Variants in ANKRD13C observed in about 807,000 individuals in gnomAD.
ANKRD13C encodes ankyrin repeat domain 13C.
A neutral mutation model predicts 65.5 loss-of-function variants in ANKRD13C; 16 were observed. That is an observed-to-expected ratio of 0.24 (90% CI 0.17 to 0.37). ANKRD13C has a LOEUF of 0.37. ANKRD13C is among the 10% of genes least tolerant of loss of function. The pLI, the probability that ANKRD13C is intolerant of heterozygous loss-of-function variation, is 1.00. For missense variants in ANKRD13C, 503 were observed against 655.9 expected, an observed-to-expected ratio of 0.77 and a Z score of 2.55; for synonymous variants, 235 against 238.7, an observed-to-expected ratio of 0.98 and a Z score of 0.14.
intron 4 of ANKRD13C, among the ~76,000 whole-genome samples, chr1:70,314,660 A>G (rs1025859840): frequency 6.6e-6 from 1 of 152,190 alleles, no homozygotes; most frequent in African/African-American, 2.4e-5. Context: ...TCAAAAAGTG[A>G]TAAAAGTGAA....
At chr1:70,331,533 A>C (rs1456057879) in intron 2 of ANKRD13C, among the ~76,000 whole-genome samples, 2 of 152,026 alleles carry the variant, frequency 1.3e-5, no homozygotes, top group Non-Finnish European at 2.9e-5. Context: ...ACAATGACAT[A>C]ATATAAAAGC....
chr1:70,322,224 C>T (rs2101521345), intron 3 of ANKRD13C, among the ~76,000 whole-genome samples: 1 of 152,152 alleles, frequency 6.6e-6, no homozygotes, highest in African/African-American at 2.4e-5. Context: ...ACCGCTTGAA[C>T]TCGGTCTCAA....
chr1:70,339,675 CTCTTT>C (rs1273594389), intron 1 of ANKRD13C, among the ~76,000 whole-genome samples: 2 of 151,836 alleles, frequency 1.3e-5, no homozygotes, highest in African/African-American at 2.4e-5. Context: ...CATTGTTTAT[CTCTTT>C]TCATTTATTG....
At chr1:70,334,236 G>GGAT (rs1170741523) in intron 2 of ANKRD13C, among the ~76,000 whole-genome samples, 1 of 152,026 alleles carries the variant, frequency 6.6e-6, no homozygotes, top group Non-Finnish European at 1.5e-5. Flanking sequence ...GGAGACAAGA[G>GGAT]GATCACTTGA....
At chr1:70,315,599 A>C in intron 3 of ANKRD13C, 33 bp from the exon 4 acceptor site, 1 of 1,542,548 alleles carries the variant, frequency 6.5e-7, no homozygotes, top group South Asian at 1.2e-5. Context: ...AACTAATTTA[A>C]ATTTTCATCA....
chr1:70,326,231 CAAAAAAAAAAAAAAAA>C (rs59618915), intron 2 of ANKRD13C, among the ~76,000 whole-genome samples: 43 of 31,104 alleles, frequency 1.4e-3, no homozygotes, highest in African/African-American at 2.1e-3. Context: ...AACTCTGTCT[CAAAAAAAAAAAAAAAA>C]AAAAAAAAAA....
In ANKRD13C at chr1:70,262,458, C is replaced by A; in HGVS notation, c.*259G>T. On this transcript the variant is annotated 3_prime_UTR_variant, in exon 13 of 13. Transcript: ENST00000370944. ...ACAGCACTCATAGCTGCTTCACATA[C>A]GCAGGTCTTAGGGTCATTAATGTGT... is the stretch of plus-strand genomic sequence containing the variant. 1 of 208,260 alleles carries A rather than the reference C, an allele frequency of 4.8e-6. No homozygotes were observed. Among genetic ancestry groups the A allele is most frequent in the Admixed American group, 5.4e-5 (1 of 18,582 alleles). 12.9% of individuals were successfully genotyped at this position (208,260 alleles called of 1,614,324 possible). A position where few individuals can be genotyped will look rare whatever the true frequency, so the allele number is the denominator to read the frequency against.
At chr1:70,331,820 C>CAAAAAA (rs10526340) in intron 2 of ANKRD13C, among the ~76,000 whole-genome samples, 40 of 69,894 alleles carry the variant, frequency 5.7e-4, no homozygotes, top group Middle Eastern at 0.012. Context: ...AGACTCGACT[C>CAAAAAA]AAAAAAAAAA....
chr1:70,259,816 T>A lies in ANKRD13C; in HGVS notation c.*2901A>T, dbSNP rs760830356. On this transcript the variant is annotated 3_prime_UTR_variant, in exon 13 of 13. Transcript: ENST00000370944. ...GAAGGAAGCACCTTTAATTCAGCAG[T>A]TAAACACAGGTTTGGACTGCACAGG... 1.6e-4 allele frequency among the ~76,000 whole-genome samples: 24 copies of A among 152,286 alleles called. No homozygotes were observed. Among genetic ancestry groups the A allele is most frequent in the Non-Finnish European group, 3.1e-4 (21 of 68,008 alleles).
intron 5 of ANKRD13C, among the ~76,000 whole-genome samples, chr1:70,308,445 AAAAAG>A (rs1047418408): frequency 1.8e-4 from 27 of 152,138 alleles, no homozygotes; most frequent in African/African-American, 6.0e-4. Context: ...CTAAGAAAAA[AAAAAG>A]AAAAGGGCAA....
At chr1:70,349,569 T>C (rs1355706936) in intron 1 of ANKRD13C, among the ~76,000 whole-genome samples, 7 of 152,164 alleles carry the variant, frequency 4.6e-5, no homozygotes, top group Non-Finnish European at 1.0e-4. Flanking sequence ...CTTTCTTCTA[T>C]TCAATTTAAG....
At chr1:70,349,249 T>A (rs1226396664) in intron 1 of ANKRD13C, among the ~76,000 whole-genome samples, 1 of 152,194 alleles carries the variant, frequency 6.6e-6, no homozygotes, top group African/African-American at 2.4e-5. Context: ...GAAAAAGGCT[T>A]AGATTCAATC....
At position 70,268,574 on chromosome 1, in the gene ANKRD13C, G is replaced by T. The variant is rs576323262; in HGVS notation, c.1495+2282C>A. ...CTTCCAGTGAGATAGGAAGATGAAAGAAAAGGTTGGGCTTGGGGCAGAAAA... is the reference window on the plus strand; with the variant it reads ...CTTCCAGTGAGATAGGAAGATGAAATAAAAGGTTGGGCTTGGGGCAGAAAA... On this transcript the variant is annotated intron_variant, in intron 12 of 12. Transcript: ENST00000370944. Among the ~76,000 whole-genome samples, 7 of 152,326 alleles carry T rather than the reference G, an allele frequency of 4.6e-5. No homozygotes were observed. In the South Asian group the frequency reaches 1.4e-3, roughly 32 times the overall value.
chr1:70,269,938 T>TA (rs912402962), intron 12 of ANKRD13C, among the ~76,000 whole-genome samples: 1 of 152,288 alleles, frequency 6.6e-6, no homozygotes, highest in Non-Finnish European at 1.5e-5. Flanking sequence ...TGGATAGTGT[T>TA]AAAGGAGCTC....
intron 12 of ANKRD13C, among the ~76,000 whole-genome samples, chr1:70,265,824 CAAAAAAAA>C (rs775757290): frequency 8.5e-5 from 3 of 35,422 alleles, no homozygotes; most frequent in African/African-American, 2.4e-4. Context: ...GACCTTGCCT[CAAAAAAAA>C]AAAAAAAAAA....
Position 70,262,843 on chromosome 1 carries a change from T to C in ANKRD13C, c.1500A>G (p.Ile500Met). The change falls in exon 13 of 13, where the codon ATA (isoleucine) becomes ATG (methionine). Residue 500 changes from isoleucine to methionine, a missense_variant. Around this residue, in one of 2 missense-constraint regions of ANKRD13C, gnomAD observed 300 missense variants for 478.3 expected, o/e 0.63. Transcript: ENST00000370944. ...LPPGFPVKLDIPVFPTITATV... is the reference protein window; with the variant it reads ...LPPGFPVKLDMPVFPTITATV... ...TGGCTGTGATTGTGGGAAACACAGG[T>C]ATATCTACAGAGAGAACATCAATGA... 1 of 1,610,530 alleles carries C rather than the reference T, an allele frequency of 6.2e-7. No homozygotes were observed. Among genetic ancestry groups the C allele is most frequent in the Non-Finnish European group, 8.5e-7 (1 of 1,178,074 alleles).
chr1:70,333,114 A>G (rs1455569735), intron 2 of ANKRD13C, among the ~76,000 whole-genome samples: 1 of 152,178 alleles, frequency 6.6e-6, no homozygotes, highest in East Asian at 1.9e-4. Context: ...GGCACTCCCA[A>G]GTTGAAATTA....
In ANKRD13C at chr1:70,354,352, T is replaced by G. The variant is rs1412470216; in HGVS notation, c.57A>C (p.Glu19Asp). The change falls in exon 1 of 13, where the codon GAA (glutamate) becomes GAC (aspartate). Residue 19 changes from glutamate to aspartate, a missense_variant. Around this residue, in one of 2 missense-constraint regions of ANKRD13C, gnomAD observed 203 missense variants for 177.6 expected, o/e 1.14. Transcript: ENST00000370944. ...LRRDHKPSKEEGDLLEPGDEE... is the reference protein window; with the variant it reads ...LRRDHKPSKEDGDLLEPGDEE... ...CATCCCCGGGCTCCAGCAGGTCCCCTTCTTCTTTGCTGGGCTTGTGGTCCC... is the reference window on the plus strand; with the variant it reads ...CATCCCCGGGCTCCAGCAGGTCCCCGTCTTCTTTGCTGGGCTTGTGGTCCC... 6.8e-6 allele frequency: 11 copies of G among 1,614,088 alleles called. No individual in the cohort carries two copies. Among genetic ancestry groups the G allele is most frequent in the Non-Finnish European group, 9.3e-6 (11 of 1,179,996 alleles).
At chr1:70,300,638 T>C in intron 7 of ANKRD13C, 126 bp downstream of exon 7, 9 of 841,882 alleles carry the variant, frequency 1.1e-5, no homozygotes, top group East Asian at 3.2e-5. Flanking sequence ...CAGGAAACTA[T>C]AGCTTTAGGA....
Sources: gnomAD v4.1 joint callset for allele counts (sites outside exome capture counted in the v4.1 genomes callset) on GRCh38, gnomAD v4.1.1 for gene constraint, gnomAD v4.1.1 regional missense constraint, MANE v1.5 for transcripts, NCBI Gene and HGNC (gene_info 2026-07-23, HGNC 2026-07-21) for gene names.